SLC14A2: variants seen among roughly 807,000 people sequenced by gnomAD.
SLC14A2 encodes solute carrier family 14 member 2, also known as urea transporter 2.
SLC14A2 carries 91 observed loss-of-function variants against 104.6 expected under a neutral mutation model. The observed-to-expected ratio is 0.87, with a 90% CI of 0.73 to 1.04. The LOEUF is 1.04. SLC14A2 is among the 50% of genes least tolerant of loss of function. SLC14A2 has a pLI of 0.00. For synonymous variants in SLC14A2, 476 were observed against 466.4 expected, an observed-to-expected ratio of 1.02 and a Z score of -0.27; for missense variants, 1,189 against 1,156.0, an observed-to-expected ratio of 1.03 and a Z score of -0.41.
At chr18:45,474,599 G>T (rs111618570) in intron 1 of SLC14A2, among the ~76,000 whole-genome samples, 4 of 152,288 alleles carry the variant, frequency 2.6e-5, no homozygotes, top group African/African-American at 4.8e-5. Flanking sequence ...TCCTGGTTTA[G>T]TCTTGGGAGG....
At chr18:45,569,424 T>C (rs2044315214) in intron 2 of SLC14A2, among the ~76,000 whole-genome samples, 1 of 152,242 alleles carries the variant, frequency 6.6e-6, no homozygotes, top group Non-Finnish European at 1.5e-5. Flanking sequence ...CTTACTCCCT[T>C]AGAATCTACT....
intron 2 of SLC14A2, among the ~76,000 whole-genome samples, chr18:45,597,061 T>C (rs2044726596): frequency 6.6e-6 from 1 of 152,212 alleles, no homozygotes; most frequent in South Asian, 2.1e-4. Context: ...GCACGGTGGC[T>C]CATGCCAGCA....
At chr18:45,338,013 TAAG>T (rs1210164110) in intron 1 of SLC14A2, among the ~76,000 whole-genome samples, 1 of 152,104 alleles carries the variant, frequency 6.6e-6, no homozygotes, top group East Asian at 1.9e-4. Context: ...ATCTACATAA[TAAG>T]AACCCTGCTC....
At chr18:45,576,401 G>A (rs576490397) in intron 2 of SLC14A2, among the ~76,000 whole-genome samples, 11 of 149,012 alleles carry the variant, frequency 7.4e-5, no homozygotes, top group East Asian at 2.0e-4. Context: ...CTCCTCCCTC[G>A]GTCTCCTGAG....
chr18:45,255,388 T>C (rs773019655), intron 1 of SLC14A2, among the ~76,000 whole-genome samples: 101 of 152,336 alleles, frequency 6.6e-4, no homozygotes, highest in Non-Finnish European at 1.2e-3. Context: ...CTTTACAGCA[T>C]GGTCTTTTGT....
At chr18:45,279,097 G>A (rs143009960) in intron 1 of SLC14A2, among the ~76,000 whole-genome samples, 2 of 152,298 alleles carry the variant, frequency 1.3e-5, no homozygotes, top group East Asian at 3.9e-4. Context: ...GATCAGTTCT[G>A]CAGGCCACAT....
chr18:45,462,782 T>G (rs1414742578), intron 1 of SLC14A2, among the ~76,000 whole-genome samples: 2 of 152,158 alleles, frequency 1.3e-5, no homozygotes, highest in Admixed American at 6.5e-5. Flanking sequence ...TTTTTTTGTT[T>G]TGTTTTAACA....
intron 2 of SLC14A2, among the ~76,000 whole-genome samples, chr18:45,495,704 A>G (rs1442630029): frequency 5.9e-5 from 9 of 152,156 alleles, no homozygotes; most frequent in Admixed American, 5.9e-4. Flanking sequence ...CTTATTGATA[A>G]CTTGGCTCCA....
At chr18:45,626,121 T>C (rs2045254221) in intron 3 of SLC14A2, among the ~76,000 whole-genome samples, 1 of 152,186 alleles carries the variant, frequency 6.6e-6, no homozygotes, top group Admixed American at 6.5e-5. Flanking sequence ...TCTTAGTTCT[T>C]TGCAAATTGC....
At chr18:45,524,099 A>G (rs1164076348) in intron 2 of SLC14A2, among the ~76,000 whole-genome samples, 1 of 152,128 alleles carries the variant, frequency 6.6e-6, no homozygotes, top group Non-Finnish European at 1.5e-5. Context: ...ATTGGCAGTA[A>G]CAAGTATAAA....
chr18:45,306,974 T>C (rs2085028685), intron 1 of SLC14A2, among the ~76,000 whole-genome samples: 1 of 151,972 alleles, frequency 6.6e-6, no homozygotes, highest in African/African-American at 2.4e-5. Flanking sequence ...CCAGGCCAGC[T>C]CAGGAATGCT....
At chr18:45,452,802 G>T (rs1306592758) in intron 1 of SLC14A2, among the ~76,000 whole-genome samples, 5 of 152,168 alleles carry the variant, frequency 3.3e-5, no homozygotes, top group Non-Finnish European at 7.3e-5. Flanking sequence ...TAGCTACACG[G>T]CAAAGGCTAA....
At chr18:45,232,992 T>C (rs2084189690) in intron 1 of SLC14A2, among the ~76,000 whole-genome samples, 1 of 152,232 alleles carries the variant, frequency 6.6e-6, no homozygotes. Flanking sequence ...TAATTGTCTG[T>C]AGGAGATTTT....
At chr18:45,410,250 G>T (rs139106424) in intron 1 of SLC14A2, among the ~76,000 whole-genome samples, 2 of 152,134 alleles carry the variant, frequency 1.3e-5, no homozygotes, top group African/African-American at 4.8e-5. Context: ...TGTGTGGTCC[G>T]GTTTCTAACA....
At chr18:45,616,087 AG>A (rs1280806386) in intron 1 of SLC14A2, among the ~76,000 whole-genome samples, 9 of 152,198 alleles carry the variant, frequency 5.9e-5, no homozygotes, top group Non-Finnish European at 1.0e-4. Flanking sequence ...CACACTGCAG[AG>A]AAGCTGAAAA....
At chr18:45,278,591 A>G (rs572499166) in intron 1 of SLC14A2, among the ~76,000 whole-genome samples, 1 of 152,164 alleles carries the variant, frequency 6.6e-6, no homozygotes, top group South Asian at 2.1e-4. Context: ...TGCTGTGCCA[A>G]TACAGTCATT....
At chr18:45,611,834 C>T (rs2044976970), upstream of SLC14A2, among the ~76,000 whole-genome samples, 2 of 152,190 alleles carry the variant, frequency 1.3e-5, no homozygotes, top group Non-Finnish European at 2.9e-5. Context: ...CTATAGCTTA[C>T]ACCCCATCAT....
At chr18:45,530,701 T>C (rs2043671262) in intron 2 of SLC14A2, among the ~76,000 whole-genome samples, 1 of 152,104 alleles carries the variant, frequency 6.6e-6, no homozygotes, top group Non-Finnish European at 1.5e-5. Flanking sequence ...CTTTTCTATT[T>C]TTTTATTATT....
chr18:45,473,343 T>C (rs1455484144), intron 1 of SLC14A2, among the ~76,000 whole-genome samples: 4 of 152,346 alleles, frequency 2.6e-5, no homozygotes, highest in East Asian at 1.9e-4. Flanking sequence ...TTGCTTAGGA[T>C]TGTCTTAGCT....
Sources: allele counts gnomAD v4.1 joint callset (sites outside exome capture counted in the v4.1 genomes callset), GRCh38; gene constraint gnomAD v4.1.1; transcripts MANE v1.5; gene names NCBI Gene and HGNC (gene_info 2026-07-23, HGNC 2026-07-21).